The following AGBL1 variants were observed in gnomAD, a reference collection of about 807,000 sequenced individuals.
The protein encoded by AGBL1 is cytosolic carboxypeptidase 4.
Under a neutral mutation model 118.9 loss-of-function variants are expected in AGBL1, and 130 were observed. The ratio of observed to expected loss-of-function variants is 1.09; its 90% CI spans 0.95 to 1.26. The LOEUF is 1.26. Ranked by LOEUF, AGBL1 falls within the 50% of genes most tolerant of loss-of-function variation. The probability of loss-of-function intolerance (pLI) is 0.00; values close to 1 mark genes in which losing one functional copy is unlikely to be tolerated. For synonymous variants in AGBL1, 555 were observed against 478.9 expected, an observed-to-expected ratio of 1.16 and a Z score of -2.08; for missense variants, 1,584 against 1,298.1, an observed-to-expected ratio of 1.22 and a Z score of -3.38.
intron 18 of AGBL1, among the ~76,000 whole-genome samples, chr15:86,470,683 C>T (rs562234987): frequency 1.3e-5 from 2 of 152,132 alleles, no homozygotes; most frequent in South Asian, 4.2e-4. Flanking sequence ...GACGTCTTCC[C>T]ATTTATTTGT....
chr15:86,828,029 T>G (rs2079056007), intron 22 of AGBL1, among the ~76,000 whole-genome samples: 1 of 144,542 alleles, frequency 6.9e-6, no homozygotes, highest in African/African-American at 2.6e-5. Flanking sequence ...AACCTTAAAC[T>G]CCTAGGCACA....
intron 18 of AGBL1, among the ~76,000 whole-genome samples, chr15:86,497,374 T>C (rs2082867219): frequency 6.6e-6 from 1 of 152,074 alleles, no homozygotes; most frequent in Non-Finnish European, 1.5e-5. Flanking sequence ...AAAAATTGTC[T>C]TCCCTCAGCT....
At position 86,753,040 on chromosome 15, in the gene AGBL1, TC is replaced by T. The variant is rs2077878889; in HGVS notation, c.3158+78606del. On this transcript the variant is annotated intron_variant, in intron 22 of 22. Coordinates refer to ENST00000614907, the MANE Select transcript of AGBL1 (RefSeq NM_001386094.1). Reference sequence around the variant, plus strand: ...GTTTATAAGACGCTGTCCTATTTTCTCCTCCTTGACAACTCTTTTCTTTTAA... The same window carrying T: ...GTTTATAAGACGCTGTCCTATTTTCTCTCCTTGACAACTCTTTTCTTTTAA... Among the ~76,000 whole-genome samples the T allele has an allele frequency of 3.3e-5, 5 of 152,254 alleles. No individual in the cohort carries two copies. In the South Asian group the frequency reaches 1.0e-3, roughly 32 times the overall value.
intron 5 of AGBL1, among the ~76,000 whole-genome samples, chr15:86,218,368 G>T (rs750877922): frequency 3.5e-4 from 54 of 152,164 alleles, no homozygotes; most frequent in Non-Finnish European, 6.5e-4. Context: ...GTCAAGTCTT[G>T]GTGAAGTGAA....
intron 2 of AGBL1, 69 bp downstream of exon 2, chr15:86,142,136 G>A (rs913292797): frequency 2.0e-6 from 3 of 1,475,558 alleles, no homozygotes; most frequent in East Asian, 2.5e-5. Context: ...TCTCTCCCAG[G>A]CACCTCTGTG....
At chr15:86,831,447 A>T (rs1341199122) in intron 22 of AGBL1, among the ~76,000 whole-genome samples, 4 of 152,336 alleles carry the variant, frequency 2.6e-5, no homozygotes, top group Admixed American at 1.3e-4. Flanking sequence ...TACTTCCTAG[A>T]TACAATGTGT....
chr15:86,587,542 C>T (rs531308739), intron 21 of AGBL1, among the ~76,000 whole-genome samples: 5 of 152,120 alleles, frequency 3.3e-5, no homozygotes, highest in South Asian at 2.1e-4. Flanking sequence ...GGGAGGAGGG[C>T]GTTCGTGGAA....
At chr15:86,359,137 T>C (rs932769436) in intron 17 of AGBL1, among the ~76,000 whole-genome samples, 17 of 151,928 alleles carry the variant, frequency 1.1e-4, no homozygotes, top group African/African-American at 4.1e-4. Context: ...TTTCTTCTAG[T>C]ATTTTCTAGA....
At chr15:86,677,018 A>G (rs1466574647) in intron 22 of AGBL1, among the ~76,000 whole-genome samples, 9 of 152,058 alleles carry the variant, frequency 5.9e-5, no homozygotes, top group Admixed American at 5.2e-4. Flanking sequence ...TCTGTCTCAA[A>G]CAAACAACAA....
At chr15:86,280,125 A>C (rs1408672834) in intron 16 of AGBL1, among the ~76,000 whole-genome samples, 1 of 150,814 alleles carries the variant, frequency 6.6e-6, no homozygotes, top group African/African-American at 2.5e-5. Flanking sequence ...TATGGGGAGC[A>C]ACACCATACA....
downstream of AGBL1, among the ~76,000 whole-genome samples, chr15:86,916,381 G>A (rs894734786): frequency 2.0e-5 from 3 of 152,080 alleles, no homozygotes; most frequent in South Asian, 2.1e-4. Flanking sequence ...CTGTGAGAAC[G>A]ATGAAAGGAG....
At chr15:86,381,213 T>C (rs2081109560) in intron 17 of AGBL1, among the ~76,000 whole-genome samples, 1 of 152,228 alleles carries the variant, frequency 6.6e-6, no homozygotes. Context: ...TATGAGTGAC[T>C]CTTTTGCCAT....
intron 22 of AGBL1, among the ~76,000 whole-genome samples, chr15:86,813,406 C>G (rs1162929895): frequency 1.3e-5 from 2 of 152,138 alleles, no homozygotes; most frequent in South Asian, 2.1e-4. Flanking sequence ...CCAGAAGGGA[C>G]CTTCTGACAA....
chr15:86,809,120 A>G (rs1297269657), intron 22 of AGBL1, among the ~76,000 whole-genome samples: 1 of 152,148 alleles, frequency 6.6e-6, no homozygotes, highest in East Asian at 1.9e-4. Context: ...GAAAAATATA[A>G]CAGACTTGCC....
At chr15:86,081,566 G>C (rs556886091) in intron 1 of AGBL1, among the ~76,000 whole-genome samples, 2 of 152,238 alleles carry the variant, frequency 1.3e-5, no homozygotes, top group South Asian at 4.2e-4. Flanking sequence ...TCTGACCAGG[G>C]GTACTGGAGG....
rs181644676 is a variant in AGBL1, at chr15:86,833,563, G to A, written c.3159-73524G>A. ...GCCTTCCCAGCCATATGGAACTGTA[G>A]GTCCAATTAAACTTCCTTTTCTTCC... On this transcript the variant is annotated intron_variant, in intron 22 of 22. Transcript: ENST00000614907. Among the ~76,000 whole-genome samples, 13 of 152,202 alleles carry A rather than the reference G, an allele frequency of 8.5e-5. No homozygotes were observed. The East Asian group carries it at 2.5e-3, about 30-fold the overall frequency.
chr15:86,079,888 CG>C lies in AGBL1; in HGVS notation c.-82del. ...CTCCGGGCAGTCGTCTCCTGCGAGG[CG>C]GGCAGCGAGGTCAGCTTGGCAGCCG... On this transcript the variant is annotated 5_prime_UTR_variant, in exon 1 of 23. Transcript: ENST00000614907. The C allele has an allele frequency of 1.9e-6, 2 of 1,027,252 alleles. No individual in the cohort carries two copies. The highest frequency in any genetic ancestry group is 1.3e-6 in the Non-Finnish European group (1 of 799,170). The allele number at this position is 1,027,252 out of a possible 1,614,324, so 63.6% of individuals were successfully genotyped here.
rs1012427463 is a variant in AGBL1, at chr15:86,907,700, G to C, written c.*406G>C. On this transcript the variant is annotated 3_prime_UTR_variant, in exon 23 of 23. Transcript: ENST00000614907. ...AGAATTCTAAGTGGTTATTTAAGTT[G>C]TTCCATATACAAGTGTTATCTTCCA... The C allele has an allele frequency of 7.2e-5, 11 of 152,166 alleles. No homozygotes were observed. Among genetic ancestry groups the C allele is most frequent in the Non-Finnish European group, 1.3e-4 (9 of 68,046 alleles). 9.4% of individuals were successfully genotyped at this position (152,166 alleles called of 1,614,324 possible).
At chr15:86,966,672 T>C (rs569873936) in intron 23 of AGBL1, among the ~76,000 whole-genome samples, 1 of 152,292 alleles carries the variant, frequency 6.6e-6, no homozygotes, top group South Asian at 2.1e-4. Flanking sequence ...TTTTTATGGC[T>C]GCATAGTATT....
Sources: allele counts gnomAD v4.1 joint callset (sites outside exome capture counted in the v4.1 genomes callset), GRCh38; gene constraint gnomAD v4.1.1; transcripts MANE v1.5; gene names NCBI Gene and HGNC (gene_info 2026-07-23, HGNC 2026-07-21).